The following CHD9 variants were observed in gnomAD, a reference collection of about 807,000 sequenced individuals.
The protein encoded by CHD9 is ATP-dependent chromatin remodeler CHD9.
CHD9 carries 77 observed loss-of-function variants against 316.1 expected under a neutral mutation model. The observed-to-expected ratio is 0.24, with a 90% confidence interval of 0.20 to 0.29. The LOEUF is 0.29. Ranked by LOEUF, CHD9 falls within the 10% of genes least tolerant of loss-of-function variation. The pLI, the probability that CHD9 is intolerant of heterozygous loss-of-function variation, is 1.00. For missense variants in CHD9, 2,763 were observed against 3,438.1 expected (o/e 0.80, Z 4.91); for synonymous variants, 1,129 against 1,158.3 (o/e 0.97, Z 0.51).
intron 13 of CHD9, among the ~76,000 whole-genome samples, chr16:53,243,299 C>T (rs976079510): frequency 3.3e-5 from 5 of 151,916 alleles, no homozygotes; most frequent in East Asian, 1.9e-4. Context: ...AAAATAAGAC[C>T]GTAAGTTTTT....
chr16:53,233,531 C>T (rs558946013), intron 10 of CHD9, among the ~76,000 whole-genome samples: 9 of 152,240 alleles, frequency 5.9e-5, no homozygotes, highest in African/African-American at 1.9e-4. Context: ...TTTATGGAGT[C>T]TTCACTATGT....
intron 1 of CHD9, among the ~76,000 whole-genome samples, chr16:53,146,415 G>GTGTATATATATATATATATATATA (rs1224485632): frequency 4.7e-5 from 3 of 64,424 alleles, no homozygotes; most frequent in Admixed American, 4.2e-4. Context: ...GTGTGTGTGT[G>GTGTATATATATATATATATATATA]TATGTATATA....
chr16:53,065,511 T>C (rs909973044), intron 1 of CHD9, among the ~76,000 whole-genome samples: 4 of 151,672 alleles, frequency 2.6e-5, no homozygotes, highest in African/African-American at 9.7e-5. Flanking sequence ...GGCGAGCACC[T>C]GTAGTCTCAG....
chr16:53,215,197 T>G (rs1488465057), intron 3 of CHD9, among the ~76,000 whole-genome samples: 1 of 152,224 alleles, frequency 6.6e-6, no homozygotes, highest in South Asian at 2.1e-4. Flanking sequence ...ATTACAGGCA[T>G]AAGCCACCGT....
chr16:53,071,329 T>G (rs996533956), intron 1 of CHD9, among the ~76,000 whole-genome samples: 13 of 152,168 alleles, frequency 8.5e-5, no homozygotes, highest in African/African-American at 3.1e-4. Flanking sequence ...CATTTTGAAC[T>G]GTTTGGTCCC....
In CHD9 at chr16:53,324,441, C is replaced by G. The variant is rs183141374; in HGVS notation, c.8240C>G (p.Ser2747Cys). 2.9e-5 allele frequency: 46 copies of G among 1,613,992 alleles called. No individual in the cohort carries two copies. The East Asian group carries it at 9.8e-4, about 34-fold the overall frequency. ...ACAGAAGACAAAAAGGGAAGTGACT[C>G]TAAGGAGTCAGAAGGAAAAACAGAA... ...SGTEDKKGSD[S>C]KESEGKTERT... Residue 2747 changes from serine to cysteine, a missense_variant, in exon 39 of 39, where the codon TCT becomes TGT. Ser to Cys is a moderately radical substitution (Grantham distance 112). Around this residue, in one of 15 missense-constraint regions of CHD9, gnomAD observed 298 missense variants for 380.2 expected, o/e 0.78. Transcript: ENST00000447540.
chr16:53,115,885 C>T (rs1438638377), intron 1 of CHD9, among the ~76,000 whole-genome samples: 1 of 151,992 alleles, frequency 6.6e-6, no homozygotes, highest in Non-Finnish European at 1.5e-5. Context: ...TTTTGCAAGA[C>T]TTGAAGAGGA....
At position 53,222,727 on chromosome 16, in the gene CHD9, A is replaced by C; in HGVS notation, c.1868A>C (p.Gln623Pro). ...DEISDAEQMP[Q>P]HTLKDQDSQK... ...ATATCTGATGCAGAACAGATGCCAC[A>C]GCATACATTAAAAGATCAAGACTCT... Residue 623 changes from glutamine to proline, a missense_variant, in exon 4 of 39, where the codon CAG becomes CCG. Gln to Pro is a moderately conservative substitution (Grantham distance 76, BLOSUM62 -1). Coordinates refer to ENST00000447540, the MANE Select transcript of CHD9 (RefSeq NM_001308319.2). 1 of 1,562,802 alleles carries C rather than the reference A, an allele frequency of 6.4e-7. No individual in the cohort carries two copies. The highest frequency in any genetic ancestry group is 2.3e-5 in the East Asian group (1 of 43,828).
intron 1 of CHD9, among the ~76,000 whole-genome samples, chr16:53,100,884 C>G (rs1567328201): frequency 6.6e-6 from 1 of 152,204 alleles, no homozygotes; most frequent in Non-Finnish European, 1.5e-5. Context: ...ACTACTACAT[C>G]AGATGGTGTG....
At chr16:53,283,406 AATGTGCTT>A (rs72016505) in intron 24 of CHD9, among the ~76,000 whole-genome samples, 18,045 of 152,170 alleles carry the variant, frequency 0.12, 1,235 homozygotes, top group South Asian at 0.23. Flanking sequence ...AGCAACACCT[AATGTGCTT>A]ATGGCACTTA....
chr16:53,273,028 GC>G (rs1375621331), intron 22 of CHD9, among the ~76,000 whole-genome samples: 1 of 151,954 alleles, frequency 6.6e-6, no homozygotes, highest in African/African-American at 2.4e-5. Flanking sequence ...GGCAGAGGTT[GC>G]AGTGAGCCGA....
intron 9 of CHD9, 43 bp downstream of exon 9, chr16:53,231,548 A>T: frequency 7.1e-7 from 1 of 1,409,384 alleles, no homozygotes; most frequent in Non-Finnish European, 9.9e-7. Context: ...GAAAAATCTG[A>T]AACTTTCCAA....
chr16:53,114,346 CTCCCAGGTTCAAGTGATTCTTCT>C (rs764311171), intron 1 of CHD9, among the ~76,000 whole-genome samples: 86 of 152,110 alleles, frequency 5.7e-4, no homozygotes, highest in Non-Finnish European at 1.1e-3. Context: ...CAACCTCTGC[CTCCCAGGTTCAAGTGATTCTTCT>C]GCCTCAGCCT....
intron 2 of CHD9, among the ~76,000 whole-genome samples, chr16:53,170,039 GT>G (rs11434728): frequency 1.7e-4 from 25 of 145,990 alleles, no homozygotes; most frequent in East Asian, 6.0e-4. Context: ...AGGTTAAGCA[GT>G]TTTTTTTTGT....
At chr16:53,233,039 T>C (rs2048317574) in intron 10 of CHD9, among the ~76,000 whole-genome samples, 1 of 152,182 alleles carries the variant, frequency 6.6e-6, no homozygotes. Flanking sequence ...AGTTCTGCAG[T>C]GGATGCCAGC....
chr16:53,171,782 CAG>C (rs1170222824), intron 2 of CHD9, among the ~76,000 whole-genome samples: 1 of 150,154 alleles, frequency 6.7e-6, no homozygotes, highest in Non-Finnish European at 1.5e-5. Flanking sequence ...GCCCAGGAGA[CAG>C]GGGTTGCAGG....
intron 30 of CHD9, chr16:53,299,611 A>G: frequency 2.5e-6 from 1 of 403,252 alleles, no homozygotes; most frequent in Admixed American, 2.9e-5. Context: ...TTCATTGAAA[A>G]CAATGTGTCA....
rs546815743 is a variant in CHD9, at chr16:53,109,751, C to A, written c.-164-46175C>A. Among the ~76,000 whole-genome samples the A allele has an allele frequency of 3.0e-3, 361 of 120,760 alleles. 5 individuals carry two copies. The highest frequency in any genetic ancestry group is 0.011 in the African/African-American group (349 of 31,666). The allele number at this position is 120,760 out of a possible 152,430, so 79.2% of individuals were successfully genotyped here. A position where few individuals can be genotyped will look rare whatever the true frequency, so the allele number is the denominator to read the frequency against. ...CCAGGCTGGAGTGCAGTGGCGTGAT[C>A]TCGGCTCACTGCAAGCTCCGCCTCC... is the stretch of plus-strand genomic sequence containing the variant. On this transcript the variant is annotated intron_variant, in intron 1 of 38. Transcript: ENST00000447540.
At chr16:53,057,197 C>A (rs182507725) in intron 1 of CHD9, among the ~76,000 whole-genome samples, 1 of 151,838 alleles carries the variant, frequency 6.6e-6, no homozygotes, top group East Asian at 1.9e-4. Flanking sequence ...ATGTTTGTGG[C>A]CGGGTGTGGT....
Sources: gnomAD v4.1 joint callset for allele counts (sites outside exome capture counted in the v4.1 genomes callset) on GRCh38, gnomAD v4.1.1 for gene constraint, gnomAD v4.1.1 regional missense constraint, MANE v1.5 for transcripts, NCBI Gene and HGNC (gene_info 2026-07-23, HGNC 2026-07-21) for gene names.